Variants in PDE4D observed in about 807,000 individuals in gnomAD.
The protein encoded by PDE4D is 3',5'-cyclic-AMP phosphodiesterase 4D.
Under a neutral mutation model 87.4 loss-of-function variants are expected in PDE4D, and 24 were observed. The ratio of observed to expected loss-of-function variants is 0.27; its 90% CI spans 0.20 to 0.39. The LOEUF (loss-of-function observed/expected upper bound fraction) is 0.39. PDE4D is among the 10% of genes least tolerant of loss of function. The probability of loss-of-function intolerance (pLI) is 1.00; values close to 1 mark genes in which losing one functional copy is unlikely to be tolerated. For synonymous variants in PDE4D, 384 were observed against 383.2 expected (o/e 1.00, Z -0.02); for missense variants, 714 against 1,041.0 (o/e 0.69, Z 4.32).
chr5:60,376,780 AG>A (rs995790318), intron 1 of PDE4D, among the ~76,000 whole-genome samples: 1 of 152,178 alleles, frequency 6.6e-6, no homozygotes, highest in Admixed American at 6.5e-5. Context: ...CCCAGGCCTT[AG>A]CAAGTGATGT....
intron 9 of PDE4D, 69 bp downstream of exon 9, chr5:58,990,735 A>T: frequency 1.3e-6 from 1 of 796,270 alleles, no homozygotes; most frequent in Non-Finnish European, 2.1e-6. Flanking sequence ...GACAAAATGT[A>T]TGCATAAGCT....
intron 1 of PDE4D, among the ~76,000 whole-genome samples, chr5:59,794,295 AAAG>A (rs1766202081): frequency 6.6e-6 from 1 of 152,366 alleles, no homozygotes; most frequent in African/African-American, 2.4e-5. Flanking sequence ...TCTGAGACAG[AAAG>A]AAGATGAGTC....
intron 2 of PDE4D, among the ~76,000 whole-genome samples, chr5:59,205,698 A>G (rs867935319): frequency 1.4e-4 from 20 of 145,452 alleles, no homozygotes; most frequent in South Asian, 4.5e-4. Flanking sequence ...ACACACACAC[A>G]CCAATCCACA....
intron 1 of PDE4D, among the ~76,000 whole-genome samples, chr5:59,851,302 C>T (rs778906447): frequency 4.5e-4 from 69 of 152,048 alleles, no homozygotes; most frequent in Non-Finnish European, 7.4e-4. Context: ...GTGCCAAAGC[C>T]ATAACCACTG....
At chr5:60,340,354 GA>G (rs1461171682) in intron 1 of PDE4D, among the ~76,000 whole-genome samples, 1 of 151,930 alleles carries the variant, frequency 6.6e-6, no homozygotes, top group Non-Finnish European at 1.5e-5. Context: ...TACATTTGTG[GA>G]GTGGATAGTC....
chr5:60,301,074 T>C (rs1290946435), intron 1 of PDE4D, among the ~76,000 whole-genome samples: 2 of 152,204 alleles, frequency 1.3e-5, no homozygotes, highest in Non-Finnish European at 2.9e-5. Context: ...CAGCCTTCTG[T>C]GTCTGTTCTT....
chr5:59,538,582 G>A (rs1442713667), intron 1 of PDE4D, among the ~76,000 whole-genome samples: 1 of 152,052 alleles, frequency 6.6e-6, no homozygotes, highest in Non-Finnish European at 1.5e-5. Context: ...CTTGCTGCTG[G>A]TCCAAGCCAT....
intron 3 of PDE4D, among the ~76,000 whole-genome samples, chr5:59,966,486 A>G (rs1760071085): frequency 6.6e-6 from 1 of 152,230 alleles, no homozygotes; most frequent in African/African-American, 2.4e-5. Context: ...TGCATACAAA[A>G]TGCTGCAACA....
chr5:59,641,584 A>G (rs1317519559), intron 1 of PDE4D, among the ~76,000 whole-genome samples: 1 of 152,226 alleles, frequency 6.6e-6, no homozygotes, highest in African/African-American at 2.4e-5. Context: ...GCACTTTAAA[A>G]TGATGTTACA....
At chr5:60,499,079 G>A (rs751767670) in intron 1 of PDE4D, among the ~76,000 whole-genome samples, 5 of 152,126 alleles carry the variant, frequency 3.3e-5, no homozygotes, top group Non-Finnish European at 5.9e-5. Context: ...CTAGAAAAGC[G>A]GCTTCCTCCA....
chr5:60,365,286 A>G (rs1760423426), intron 1 of PDE4D, among the ~76,000 whole-genome samples: 2 of 152,222 alleles, frequency 1.3e-5, no homozygotes, highest in East Asian at 3.8e-4. Flanking sequence ...TTAATTGTCA[A>G]TATTAAATAA....
intron 1 of PDE4D, among the ~76,000 whole-genome samples, chr5:59,608,526 T>C (rs1319077144): frequency 1.3e-5 from 2 of 152,160 alleles, no homozygotes; most frequent in Non-Finnish European, 2.9e-5. Flanking sequence ...ACAAGAACCA[T>C]TTAATTGCAT....
rs201360779 is a variant in PDE4D, at chr5:59,768,451, C to T, written c.455+124717G>A. ...GTCTTCGTTCAGCCACGGGTTTGGA[C>T]AATGCGGATTATCCACTTCAGGTAC... is the stretch of plus-strand genomic sequence containing the variant. On this transcript the variant is annotated intron_variant, in intron 1 of 14. Transcript: ENST00000340635. The T allele has an allele frequency of 5.6e-4, 889 of 1,598,378 alleles. 3 individuals are homozygous for T. Among genetic ancestry groups the T allele is most frequent in the Non-Finnish European group, 3.6e-4 (420 of 1,179,768 alleles).
At chr5:59,006,124 G>A (rs1031005895) in intron 6 of PDE4D, among the ~76,000 whole-genome samples, 8 of 152,170 alleles carry the variant, frequency 5.3e-5, no homozygotes, top group African/African-American at 1.9e-4. Flanking sequence ...ATTCAGACAA[G>A]GAACTGAGGT....
intron 1 of PDE4D, among the ~76,000 whole-genome samples, chr5:59,447,247 C>T (rs1295140186): frequency 6.6e-6 from 1 of 152,214 alleles, no homozygotes; most frequent in African/African-American, 2.4e-5. Context: ...CCTCCCTGTA[C>T]TTTCTCATCT....
At chr5:59,930,170 A>AG (rs1265738587) in intron 3 of PDE4D, among the ~76,000 whole-genome samples, 5 of 151,562 alleles carry the variant, frequency 3.3e-5, no homozygotes, top group African/African-American at 1.2e-4. Context: ...CTCCAAAAAA[A>AG]AAAAAAAAAA....
At chr5:60,493,338 A>T (rs1020401094) in intron 1 of PDE4D, among the ~76,000 whole-genome samples, 12 of 152,242 alleles carry the variant, frequency 7.9e-5, no homozygotes, top group Non-Finnish European at 1.5e-4. Context: ...ACCGATCATG[A>T]ACAGCTATGC....
chr5:59,722,052 A>C (rs138310133), intron 1 of PDE4D, among the ~76,000 whole-genome samples: 3 of 152,016 alleles, frequency 2.0e-5, no homozygotes, highest in Non-Finnish European at 2.9e-5. Context: ...CCAAATACTT[A>C]CTCCCTTTTG....
At chr5:59,007,153 G>A (rs1546221) in intron 6 of PDE4D, among the ~76,000 whole-genome samples, 15,353 of 152,132 alleles carry the variant, frequency 0.1, 1,031 homozygotes, top group Non-Finnish European at 0.13. Context: ...ATTAGCTCTT[G>A]GACCTCTCCA....
Sources: allele counts gnomAD v4.1 joint callset (sites outside exome capture counted in the v4.1 genomes callset), GRCh38; gene constraint gnomAD v4.1.1; transcripts MANE v1.5; gene names NCBI Gene and HGNC (gene_info 2026-07-23, HGNC 2026-07-21).